SYTL5: variants seen among roughly 807,000 people sequenced by gnomAD.
The protein encoded by SYTL5 is synaptotagmin-like protein 5.
SYTL5 carries 34 observed loss-of-function variants against 55.9 expected under a neutral mutation model. The ratio of observed to expected loss-of-function variants is 0.61; its 90% CI spans 0.46 to 0.81. The LOEUF is 0.81. SYTL5 is among the 30% of genes least tolerant of loss of function. The pLI, the probability that SYTL5 is intolerant of heterozygous loss-of-function variation, is 0.00. For missense variants in SYTL5, 637 were observed against 546.7 expected, an observed-to-expected ratio of 1.17 and a Z score of -1.65; for synonymous variants, 221 against 188.7, an observed-to-expected ratio of 1.17 and a Z score of -1.40.
chrX:38,107,513 A>C (rs1381131234), intron 11 of SYTL5, among the ~76,000 whole-genome samples: 1 of 111,884 alleles, frequency 8.9e-6, no homozygotes, highest in East Asian at 2.8e-4. Flanking sequence ...CAGGAGAAAA[A>C]GAACCCGTTC....
At chrX:38,104,868 C>T (rs747658902) in intron 10 of SYTL5, among the ~76,000 whole-genome samples, 207 of 111,992 alleles carry the variant, frequency 1.8e-3, no homozygotes, top group Non-Finnish European at 2.9e-3. Flanking sequence ...CCTTTATCCA[C>T]AGAGGATACA....
rs3067495 is a variant in SYTL5 at position 38,054,611 on chromosome X, T to TGA, written c.329+222_329+223dup. On this transcript the variant is annotated intron_variant, in intron 3 of 16. Coordinates refer to ENST00000297875, the MANE Select transcript of SYTL5 (RefSeq NM_138780.3). ...GTGTGTGTGTGTGTGTGTGTGTATG[T>TGA]GAGAGAGAGAGAGAGAGAGAGAGAG... Among the ~76,000 whole-genome samples the TGA allele has an allele frequency of 9.9e-3, 941 of 95,386 alleles. 3 individuals carry two copies. The highest frequency in any genetic ancestry group is 0.025 in the East Asian group (77 of 3,052). The allele number at this position is 95,386 out of a possible 115,157, so 82.8% of individuals were successfully genotyped here.
Position 38,125,347 on chromosome X carries a change from A to C in SYTL5, c.1891A>C (p.Ile631Leu), listed in dbSNP as rs1428942311. 1 of 1,210,536 alleles carries C rather than the reference A, an allele frequency of 8.3e-7. No individual in the cohort carries two copies. The highest frequency in any genetic ancestry group is 1.1e-6 in the Non-Finnish European group (1 of 895,201). The change falls in exon 16 of 17, where the codon ATA becomes CTA. Residue 631 changes from isoleucine (I) to leucine (L), a missense_variant. Coordinates refer to ENST00000297875, the MANE Select transcript of SYTL5 (RefSeq NM_138780.3). ...SKATKHKTLV[I>L]KKSVNPQWNH... Reference sequence around the variant, plus strand: ...AGCCACCAAGCACAAAACTCTGGTAATAAAAAAGAGTGTTAACCCTCAGTG... The same window carrying C: ...AGCCACCAAGCACAAAACTCTGGTACTAAAAAAGAGTGTTAACCCTCAGTG...
In SYTL5 at chrX:38,102,145, C is replaced by A. The variant is rs189119675; in HGVS notation, c.1063-197C>A. 9.0e-5 allele frequency among the ~76,000 whole-genome samples: 10 copies of A among 110,946 alleles called. No individual in the cohort carries two copies. In the Admixed American group the frequency reaches 9.6e-4, roughly 11 times the overall value. The stretch of plus-strand genomic sequence containing the variant: ...AGAAAGGAGACCTCACTCTCCACCC[C>A]CTATCCCTGCCCACTTCTCCGATGG... On this transcript the variant is annotated intron_variant, in intron 9 of 16. Coordinates refer to ENST00000297875, the MANE Select transcript of SYTL5 (RefSeq NM_138780.3).
At chrX:38,062,904 C>A (rs1935995144) in intron 3 of SYTL5, among the ~76,000 whole-genome samples, 2 of 111,944 alleles carry the variant, frequency 1.8e-5, no homozygotes, top group Non-Finnish European at 3.8e-5. Flanking sequence ...TGCCATCCTT[C>A]TAAATAAAAT....
At chrX:37,894,763 A>T in the SYTL5 span, among the ~76,000 whole-genome samples, 529 of 109,817 alleles carry the variant, frequency 4.8e-3, 2 homozygotes, top group Non-Finnish European at 6.5e-3. Context: ...ATCAGCAAAT[A>T]CATTGAAGGC....
At chrX:38,119,294 CAT>C (rs1296459908) in intron 13 of SYTL5, among the ~76,000 whole-genome samples, 1 of 111,502 alleles carries the variant, frequency 9.0e-6, no homozygotes, top group Non-Finnish European at 1.9e-5. Flanking sequence ...TCTAATACCA[CAT>C]GTCCCTCAGG....
At chrX:37,910,987 A>G in the SYTL5 span, among the ~76,000 whole-genome samples, 2 of 54,140 alleles carry the variant, frequency 3.7e-5, no homozygotes, top group African/African-American at 3.1e-4. Flanking sequence ...TTTTTTTTGG[A>G]CAGAGTCTCA....
chrX:38,020,233 T>A (rs1934504765), intron 1 of SYTL5, among the ~76,000 whole-genome samples: 1 of 109,312 alleles, frequency 9.1e-6, no homozygotes, highest in Non-Finnish European at 1.9e-5. Context: ...TTGACAGAAA[T>A]GCCATTTGCT....
intron 2 of SYTL5, among the ~76,000 whole-genome samples, chrX:38,052,840 G>A (rs1322030368): frequency 1.8e-5 from 2 of 111,527 alleles, no homozygotes. Context: ...TGTTGAAGAA[G>A]AGATTGGCTC....
At chrX:38,001,210 C>T in the SYTL5 span, among the ~76,000 whole-genome samples, 1 of 110,995 alleles carries the variant, frequency 9.0e-6, no homozygotes, top group African/African-American at 3.3e-5. Flanking sequence ...GTCTTCAATA[C>T]GTAATCATCA....
rs779331016 is a variant in SYTL5, at chrX:38,056,375, A to G, written c.329+1953A>G. Among the ~76,000 whole-genome samples the G allele has an allele frequency of 7.1e-5, 8 of 112,077 alleles. No homozygotes were observed. The South Asian group carries it at 3.0e-3, about 42-fold the overall frequency. On this transcript the variant is annotated intron_variant, in intron 3 of 16. Coordinates refer to ENST00000297875, the MANE Select transcript of SYTL5 (RefSeq NM_138780.3). ...TTCATCCATTTATCTGTTGATGAGC[A>G]CTTAGGTTGCTTCCAAATCTTGGCT...
the SYTL5 span, among the ~76,000 whole-genome samples, chrX:37,893,590 T>G: frequency 3.2e-4 from 28 of 86,578 alleles, no homozygotes; most frequent in South Asian, 1.0e-3. Context: ...ATAATCTATA[T>G]ATTATCTATA....
At chrX:37,929,284 G>A in the SYTL5 span, among the ~76,000 whole-genome samples, 1 of 111,169 alleles carries the variant, frequency 9.0e-6, no homozygotes, top group Admixed American at 9.6e-5. Context: ...ACTAATCTGA[G>A]GAGATAAGGG....
At chrX:38,091,110 T>C (rs1164413178) in intron 7 of SYTL5, among the ~76,000 whole-genome samples, 2 of 111,675 alleles carry the variant, frequency 1.8e-5, no homozygotes, top group Non-Finnish European at 3.8e-5. Context: ...AAGCAGGATT[T>C]GGGGGCTGTG....
At chrX:38,017,526 G>A (rs1934394971) in intron 1 of SYTL5, among the ~76,000 whole-genome samples, 1 of 110,085 alleles carries the variant, frequency 9.1e-6, no homozygotes, top group Non-Finnish European at 1.9e-5. Context: ...CTCCCATTCT[G>A]TTGATCATCC....
At chrX:38,093,023 T>G (rs1936839205) in intron 7 of SYTL5, among the ~76,000 whole-genome samples, 1 of 111,943 alleles carries the variant, frequency 8.9e-6, no homozygotes, top group African/African-American at 3.2e-5. Flanking sequence ...ATTAAAGGAC[T>G]CCATGTGTGA....
At position 38,113,173 on chromosome X, in the gene SYTL5, C is replaced by T. The variant is rs910525076; in HGVS notation, c.1596+2691C>T. On this transcript the variant is annotated intron_variant, in intron 13 of 16. Coordinates refer to ENST00000297875, the MANE Select transcript of SYTL5 (RefSeq NM_138780.3). ...TCACAGTATAACTTCCATTTTACTT[C>T]ATGGCATGGGATTATTTATTAGCTG... Among the ~76,000 whole-genome samples the T allele has an allele frequency of 6.2e-5, 7 of 112,058 alleles. No homozygotes were observed. In the East Asian group the frequency reaches 1.7e-3, roughly 27 times the overall value.
chrX:37,925,984 C>A, the SYTL5 span, among the ~76,000 whole-genome samples: 3 of 111,752 alleles, frequency 2.7e-5, no homozygotes, highest in African/African-American at 9.8e-5. Context: ...ATATGTACCA[C>A]AATTTCTTTA....
Sources: gnomAD v4.1 joint callset for allele counts (sites outside exome capture counted in the v4.1 genomes callset) on GRCh38, gnomAD v4.1.1 for gene constraint, MANE v1.5 for transcripts, NCBI Gene and HGNC (gene_info 2026-07-23, HGNC 2026-07-21) for gene names.